FOXP4: variants seen among roughly 807,000 people sequenced by gnomAD.
FOXP4 encodes the protein forkhead box P4.
A neutral mutation model predicts 82.6 loss-of-function variants in FOXP4; 25 were observed. The ratio of observed to expected loss-of-function variants is 0.30; its 90% CI spans 0.22 to 0.42. The LOEUF is 0.42. Among genes scored for constraint, FOXP4 ranks in the 10% least tolerant of loss-of-function variants. The probability of loss-of-function intolerance (pLI) is 1.00; values close to 1 mark genes in which losing one functional copy is unlikely to be tolerated. For synonymous variants in FOXP4, 415 were observed against 388.2 expected (o/e 1.07, Z -0.81); for missense variants, 785 against 900.9 (o/e 0.87, Z 1.65).
At chr6:41,592,906 T>C (rs1766600172) in intron 13 of FOXP4, among the ~76,000 whole-genome samples, 1 of 152,102 alleles carries the variant, frequency 6.6e-6, no homozygotes, top group Admixed American at 6.5e-5. Context: ...TCCTCCTAGT[T>C]CTTCACCCCC....
At chr6:41,568,243 C>T (rs1764993023) in intron 2 of FOXP4, among the ~76,000 whole-genome samples, 1 of 152,206 alleles carries the variant, frequency 6.6e-6, no homozygotes, top group Non-Finnish European at 1.5e-5. Context: ...AAACCAATGC[C>T]TTTCGTCTCT....
In FOXP4 at chr6:41,590,239, C is replaced by A. The variant is rs201065252; in HGVS notation, c.1358-32C>A. The A allele has an allele frequency of 6.1e-5, 98 of 1,613,090 alleles. No homozygotes were observed. In the Admixed American group the frequency reaches 1.6e-3, roughly 26 times the overall value. On this transcript the variant is annotated intron_variant, in intron 11 of 16. Transcript: ENST00000307972. Reference sequence around the variant, plus strand: ...TGTTTTTCCCATCTGAGCCCCATATCTGGCTACCTCATCCTCTGCCTGTCT... The same window carrying A: ...TGTTTTTCCCATCTGAGCCCCATATATGGCTACCTCATCCTCTGCCTGTCT...
chr6:41,599,059 GC>G lies in FOXP4; in HGVS notation c.*126del, dbSNP rs1021291375. On this transcript the variant is annotated 3_prime_UTR_variant, in exon 17 of 17. Transcript: ENST00000307972. ...CAAGTCCAGGACTCAGACCGGGGAGGCCCGGGCCAGCAGCTCCCAGTGTGAC... is the reference window on the plus strand; with the variant it reads ...CAAGTCCAGGACTCAGACCGGGGAGGCCGGGCCAGCAGCTCCCAGTGTGAC... The G allele has an allele frequency of 6.0e-6, 8 of 1,336,422 alleles. No homozygotes were observed. The highest frequency in any genetic ancestry group is 8.0e-6 in the Non-Finnish European group (8 of 999,168). 82.8% of individuals were successfully genotyped at this position (1,336,422 alleles called of 1,614,324 possible).
chr6:41,573,686 A>G (rs1267328809), intron 2 of FOXP4, among the ~76,000 whole-genome samples: 1 of 152,124 alleles, frequency 6.6e-6, no homozygotes, highest in Non-Finnish European at 1.5e-5. Flanking sequence ...TAAGTACTCC[A>G]TGTGCACAGT....
At chr6:41,562,206 C>T (rs531415234) in intron 1 of FOXP4, among the ~76,000 whole-genome samples, 125 of 152,224 alleles carry the variant, frequency 8.2e-4, no homozygotes, top group African/African-American at 3.0e-3. Flanking sequence ...GAGTGCCTGT[C>T]ATGCAGGTTT....
rs1767227201 is a variant in FOXP4, at chr6:41,601,996, C to G, written c.*3060C>G. On this transcript the variant is annotated 3_prime_UTR_variant, in exon 17 of 17. Transcript: ENST00000307972. ...TGGGAGAAGGACCTGGAGGGTGAGTCTTTGCTGACCTCTCTCTACTCTCAG... is the reference window on the plus strand; with the variant it reads ...TGGGAGAAGGACCTGGAGGGTGAGTGTTTGCTGACCTCTCTCTACTCTCAG... 1 of 152,250 alleles carries G rather than the reference C, an allele frequency of 6.6e-6. No homozygotes were observed. Among genetic ancestry groups the G allele is most frequent in the African/African-American group, 2.4e-5 (1 of 41,452 alleles). The allele number at this position is 152,250 out of a possible 1,614,324, so 9.4% of individuals were successfully genotyped here.
At chr6:41,598,766 C>T (rs1308336996) in intron 16 of FOXP4, 23 bp from the exon 17 acceptor site, 6 of 1,551,058 alleles carry the variant, frequency 3.9e-6, no homozygotes, top group Admixed American at 2.0e-5. Context: ...CCGCCTGGTG[C>T]CCATGCCATA....
chr6:41,567,031 C>T (rs532573257), intron 2 of FOXP4, among the ~76,000 whole-genome samples: 1 of 152,230 alleles, frequency 6.6e-6, no homozygotes, highest in East Asian at 1.9e-4. Context: ...CCATCATATT[C>T]CTTGGAGCCA....
At chr6:41,547,725 G>A (rs1212058321) in intron 1 of FOXP4, among the ~76,000 whole-genome samples, 1 of 152,024 alleles carries the variant, frequency 6.6e-6, no homozygotes, top group East Asian at 1.9e-4. Context: ...AGAGAGGGCG[G>A]CCACGGGGGC....
At position 41,565,890 on chromosome 6, in the gene FOXP4, A is replaced by G. The variant is rs145747251; in HGVS notation, c.130A>G (p.Arg44Gly). ...AGGGACAACTGCAAGTGGCACGGGC[A>G]GGGAAGTGACCACGGGTGCAGACAG... ...ATGTTASGTG[R>G]EVTTGADSNG... Residue 44 changes from arginine (R) to glycine (G), a missense_variant, in exon 2 of 17, where the codon AGG (arginine) becomes GGG (glycine). Physicochemically the swap from Arg to Gly is moderately radical, Grantham distance 125. Coordinates refer to ENST00000307972, the MANE Select transcript of FOXP4 (RefSeq NM_001012426.2). The G allele has an allele frequency of 4.3e-5, 70 of 1,614,050 alleles. No homozygotes were observed. Among genetic ancestry groups the G allele is most frequent in the Admixed American group, 1.3e-4 (8 of 60,028 alleles).
chr6:41,598,352 A>T (rs188884046), intron 16 of FOXP4, among the ~76,000 whole-genome samples: 54 of 151,092 alleles, frequency 3.6e-4, no homozygotes, highest in Admixed American at 3.5e-3. Context: ...AAGTAGCTGG[A>T]ATTATAGGTG....
chr6:41,589,802 T>C lies in FOXP4; in HGVS notation c.1097T>C (p.Met366Thr), dbSNP rs1474690744. 2 of 1,611,216 alleles carry C rather than the reference T, an allele frequency of 1.2e-6. No individual in the cohort carries two copies. Among genetic ancestry groups the C allele is most frequent in the Admixed American group, 1.7e-5 (1 of 60,018 alleles). The change falls in exon 10 of 17, where the codon ATG becomes ACG. Residue 366 changes from methionine to threonine, a missense_variant. By Grantham distance (81) the Met-to-Thr change is moderately conservative. Around this residue, in one of 3 missense-constraint regions of FOXP4, gnomAD observed 570 missense variants for 634.0 expected, o/e 0.90. Transcript: ENST00000307972. ...AAGGAGAGCGAGCGGCTGCAGGCCA[T>C]GATGGCCCACCTGCACATGCGGCCC... ...LAKESERLQAMMAHLHMRPSE... is the reference protein window; with the variant it reads ...LAKESERLQATMAHLHMRPSE...
chr6:41,598,751 G>A, intron 16 of FOXP4, 38 bp from the exon 17 acceptor site: 1 of 1,549,118 alleles, frequency 6.5e-7, no homozygotes, highest in Non-Finnish European at 8.7e-7. Flanking sequence ...GGCATCAGAG[G>A]ACAGCCGCCT....
At position 41,587,789 on chromosome 6, in the gene FOXP4, C is replaced by T; in HGVS notation, c.873-4C>T. Reference sequence around the variant, plus strand: ...GATCGGCCACCTCCCTGCTGTCCTCCCAGCTCTTCCCACGAGGAGACCCCC... The same window carrying T: ...GATCGGCCACCTCCCTGCTGTCCTCTCAGCTCTTCCCACGAGGAGACCCCC... On this transcript the variant is annotated splice_polypyrimidine_tract_variant and splice_region_variant and intron_variant, in intron 7 of 16. Transcript: ENST00000307972. The T allele has an allele frequency of 6.4e-7, 1 of 1,552,832 alleles. No homozygotes were observed. Among genetic ancestry groups the T allele is most frequent in the Non-Finnish European group, 8.7e-7 (1 of 1,146,086 alleles).
At position 41,598,915 on chromosome 6, in the gene FOXP4, G is replaced by T; in HGVS notation, c.2022G>T (p.Leu674=). 6.2e-7 allele frequency: 1 copy of T among 1,608,020 alleles called. No individual in the cohort carries two copies. Among genetic ancestry groups the T allele is most frequent in the Non-Finnish European group, 8.5e-7 (1 of 1,178,226 alleles). The stretch of plus-strand genomic sequence containing the variant: ...AAGACAGGGACCTGGAGGAGGAGCT[G>T]CCGGGAGAAGAACTGTCCTAAGGGC... ...PPEDRDLEEE[L]PGEELS The change falls in exon 17 of 17, where the codon CTG becomes CTT. Residue 674 remains leucine (L), a synonymous_variant. Transcript: ENST00000307972.
At chr6:41,554,270 C>T (rs980935130) in intron 1 of FOXP4, among the ~76,000 whole-genome samples, 23 of 152,184 alleles carry the variant, frequency 1.5e-4, no homozygotes, top group South Asian at 2.1e-4. Flanking sequence ...TAACTTCATC[C>T]CTGCTGAGTT....
chr6:41,548,224 G>A (rs531373751), intron 1 of FOXP4, among the ~76,000 whole-genome samples: 2 of 152,276 alleles, frequency 1.3e-5, no homozygotes, highest in East Asian at 3.9e-4. Flanking sequence ...CGCGTGTCTG[G>A]CACCCCAACG....
In FOXP4 at chr6:41,587,881, C is replaced by T. The variant is rs762633411; in HGVS notation, c.961C>T (p.Leu321=). 7.7e-6 allele frequency: 12 copies of T among 1,559,210 alleles called. No homozygotes were observed. The South Asian group carries it at 1.3e-4, about 17-fold the overall frequency. ...AGGCTGTGAGACCCTGTGTGAAGAC[C>T]TGGGCCAGTTTATCAAGTAGGTGTC... ...WPGCETLCED[L]GQFIKHLNTE... is the part of the protein sequence containing the mutation. The change falls in exon 8 of 17, where the codon CTG becomes TTG. Residue 321 remains leucine, a synonymous_variant. Coordinates refer to ENST00000307972, the MANE Select transcript of FOXP4 (RefSeq NM_001012426.2).
Position 41,552,154 on chromosome 6 carries a change from G to A in FOXP4, c.-17+5287G>A, listed in dbSNP as rs540779173. 3.5e-4 allele frequency among the ~76,000 whole-genome samples: 54 copies of A among 152,238 alleles called. 1 individual carries two copies. The highest frequency in any genetic ancestry group is 6.2e-4 in the South Asian group (3 of 4,818). On this transcript the variant is annotated intron_variant, in intron 1 of 16. Transcript: ENST00000307972. ...GGATTCCATTCCCGGCTGGCTTTACGTTTCTAGGAGAACATTTCTATGGAG... is the reference window on the plus strand; with the variant it reads ...GGATTCCATTCCCGGCTGGCTTTACATTTCTAGGAGAACATTTCTATGGAG...
Sources: allele counts gnomAD v4.1 joint callset (sites outside exome capture counted in the v4.1 genomes callset), GRCh38; gene constraint gnomAD v4.1.1; regional missense constraint gnomAD v4.1.1; transcripts MANE v1.5; gene names NCBI Gene and HGNC (gene_info 2026-07-23, HGNC 2026-07-21).